Variants in NBPF12 observed in about 807,000 individuals in gnomAD.
The protein encoded by NBPF12 is NBPF member 12.
Under a neutral mutation model 146.4 loss-of-function variants are expected in NBPF12, and 115 were observed. That is an observed-to-expected ratio of 0.79 (90% confidence interval 0.68 to 0.92). The LOEUF (loss-of-function observed/expected upper bound fraction) is 0.92, where lower values mean the gene tolerates loss of function less well. Ranked by LOEUF, NBPF12 falls within the 40% of genes least tolerant of loss-of-function variation. The pLI is 0.00. For synonymous variants in NBPF12, 385 were observed against 508.9 expected (o/e 0.76, Z 3.28); for missense variants, 1,205 against 1,326.8 (o/e 0.91, Z 1.43).
At chr1:146,975,518 T>C (rs1159803196) in intron 15 of NBPF12, among the ~76,000 whole-genome samples, 159 bp from the exon 19 acceptor site, 1 of 146,474 alleles carries the variant, frequency 6.8e-6, no homozygotes, top group Non-Finnish European at 1.5e-5. Context: ...TAAACCATTT[T>C]CTATTCTTTC....
intron 9 of NBPF12, among the ~76,000 whole-genome samples, chr1:146,967,985 CA>C (rs1198639001): frequency 7.6e-4 from 111 of 146,306 alleles, no homozygotes; most frequent in Non-Finnish European, 1.4e-3. Flanking sequence ...ATTAAAAAAT[CA>C]AAGATTTTTA....
At chr1:146,989,333 T>C (rs1657996016) in intron 27 of NBPF12, among the ~76,000 whole-genome samples, 1 of 145,670 alleles carries the variant, frequency 6.9e-6, no homozygotes, top group Admixed American at 7.0e-5. Context: ...TAGCTCACTT[T>C]CTCTCTGTCT....
At chr1:146,987,370 C>G in intron 25 of NBPF12, 85 bp downstream of exon 28, 1 of 791,096 alleles carries the variant, frequency 1.3e-6, no homozygotes, top group African/African-American at 1.7e-5. Context: ...CTGACATTAT[C>G]GATTACATCT....
At chr1:146,941,725 G>A (rs1654811902) in intron 1 of NBPF12, among the ~76,000 whole-genome samples, 1 of 136,640 alleles carries the variant, frequency 7.3e-6, no homozygotes, top group Admixed American at 7.7e-5. Context: ...CTGTACTCCA[G>A]CCTGGTTGAC....
chr1:146,962,144 G>A lies in NBPF12; in HGVS notation c.176-17G>A, dbSNP rs1168049141. 3 of 1,608,050 alleles carry A rather than the reference G, an allele frequency of 1.9e-6. No homozygotes were observed. The African/African-American group carries it at 4.0e-5, about 22-fold the overall frequency. On this transcript the variant is annotated splice_polypyrimidine_tract_variant and intron_variant, in intron 4 of 33. Transcript: ENST00000617844. ...TCCAGCCTTCCACTGAGGCAGGCGT[G>A]TCTGTCTTTTTCTCAGAGTATGAAG...
chr1:146,968,580 G>C, intron 10 of NBPF12, 30 bp downstream of exon 13: 1 of 1,553,166 alleles, frequency 6.4e-7, no homozygotes, highest in African/African-American at 1.4e-5. Flanking sequence ...GCAGGCAGGG[G>C]GGCAGGTGTG....
chr1:146,970,257 A>C (rs1350557178), intron 11 of NBPF12, among the ~76,000 whole-genome samples: 21 of 150,252 alleles, frequency 1.4e-4, no homozygotes, highest in Non-Finnish European at 2.9e-4. Flanking sequence ...GGACTGTGGG[A>C]CAAGTTTGTC....
chr1:146,984,879 T>C, exon 22 of NBPF12: 1 of 1,580,214 alleles, frequency 6.3e-7, no homozygotes, highest in Non-Finnish European at 8.7e-7. Flanking sequence ...ATAGATGTTA[T>C]TCAACTCCTT....
At chr1:146,960,351 A>G in intron 4 of NBPF12, 33 bp downstream of exon 7, 4 of 1,483,624 alleles carry the variant, frequency 2.7e-6, no homozygotes, top group Non-Finnish European at 3.7e-6. Flanking sequence ...CATGAAAGTG[A>G]TGAATGATGT....
chr1:146,954,907 G>C (rs1291179904), intron 2 of NBPF12, among the ~76,000 whole-genome samples: 5,734 of 130,082 alleles, frequency 0.044, 496 homozygotes, highest in African/African-American at 0.15. Context: ...AAACGTGTGT[G>C]TGTGTGTGTG....
rs1459789838 is a variant in NBPF12, at chr1:146,969,698, C to G, written c.1306+102C>G. On this transcript the variant is annotated intron_variant, in intron 11 of 33. Coordinates refer to ENST00000617844, the Ensembl canonical transcript of NBPF12. ...ACAGTTGTATCAGTGGGGTTTTTTTCTACTACACATGTGTGGCCATGACAT... is the reference window on the plus strand; with the variant it reads ...ACAGTTGTATCAGTGGGGTTTTTTTGTACTACACATGTGTGGCCATGACAT... 4.5e-6 allele frequency: 7 copies of G among 1,558,840 alleles called. No homozygotes were observed. The East Asian group carries it at 1.1e-4, about 25-fold the overall frequency.
intron 8 of NBPF12, among the ~76,000 whole-genome samples, chr1:146,966,125 C>A (rs1450827924): frequency 6.6e-6 from 1 of 151,584 alleles, no homozygotes; most frequent in Non-Finnish European, 1.5e-5. Context: ...AACAAAAAAC[C>A]AAAAAAGAAA....
chr1:146,947,914 C>T (rs1258999320), upstream of NBPF12, among the ~76,000 whole-genome samples: 3 of 151,710 alleles, frequency 2.0e-5, no homozygotes, highest in Admixed American at 2.0e-4. Flanking sequence ...CTGGTGAGCA[C>T]AAGAAAAGGA....
intron 2 of NBPF12, among the ~76,000 whole-genome samples, chr1:146,954,712 C>T (rs1553884203): frequency 6.7e-6 from 1 of 149,826 alleles, no homozygotes; most frequent in Non-Finnish European, 1.5e-5. Flanking sequence ...TGAATGAATT[C>T]ACTACCTATT....
intron 2 of NBPF12, among the ~76,000 whole-genome samples, chr1:146,959,134 A>G (rs1348279691): frequency 1.0e-5 from 1 of 99,912 alleles, no homozygotes; most frequent in Non-Finnish European, 2.1e-5. Flanking sequence ...AAATGAAACA[A>G]GGGAAAAACA....
At chr1:146,976,243 G>C (rs1378056338) in intron 16 of NBPF12, among the ~76,000 whole-genome samples, 1 of 151,900 alleles carries the variant, frequency 6.6e-6, no homozygotes, top group Non-Finnish European at 1.5e-5. Flanking sequence ...TTTCGGCAAT[G>C]TTCTTAGTAA....
intron 5 of NBPF12, 78 bp from the exon 9 acceptor site, chr1:146,963,017 C>A: frequency 2.0e-6 from 3 of 1,532,638 alleles, no homozygotes; most frequent in Non-Finnish European, 2.7e-6. Context: ...AACATTGTCT[C>A]AGAAATCTCT....
upstream of NBPF12, among the ~76,000 whole-genome samples, chr1:146,945,678 A>G (rs1353865169): frequency 3.3e-5 from 5 of 151,614 alleles, no homozygotes; most frequent in Admixed American, 1.3e-4. Flanking sequence ...AAAATGGAGT[A>G]GATAGTACAG....
chr1:146,984,988 G>T lies in NBPF12; in HGVS notation c.2839+3G>T, dbSNP rs1657662993. ...TGGCTTGGCTGTTGACATGGATGGT[G>T]AGTACCTTTCTATGAAGGTGATAAG... On this transcript the variant is annotated splice_donor_region_variant and intron_variant, in intron 22 of 33. Transcript: ENST00000617844. 1.4e-5 allele frequency: 17 copies of T among 1,227,060 alleles called. No homozygotes were observed. The highest frequency in any genetic ancestry group is 2.0e-5 in the Non-Finnish European group (17 of 831,236). The allele number at this position is 1,227,060 out of a possible 1,614,324, so 76.0% of individuals were successfully genotyped here. A position where few individuals can be genotyped will look rare whatever the true frequency, so the allele number is the denominator to read the frequency against.
Sources: gnomAD v4.1 joint callset for allele counts (sites outside exome capture counted in the v4.1 genomes callset) on GRCh38, gnomAD v4.1.1 for gene constraint, MANE v1.5 for transcripts, NCBI Gene and HGNC (gene_info 2026-07-23, HGNC 2026-07-21) for gene names.